Variants in ANGEL2 observed in about 807,000 individuals in gnomAD.
The protein encoded by ANGEL2 is RNA 2',3'-cyclic phosphatase ANGEL2.
A neutral mutation model predicts 66.0 loss-of-function variants in ANGEL2; 41 were observed. That is an observed-to-expected ratio of 0.62 (90% CI 0.48 to 0.81). The LOEUF (loss-of-function observed/expected upper bound fraction) is 0.81, where lower values mean the gene tolerates loss of function less well. Among genes scored for constraint, ANGEL2 ranks in the 30% least tolerant of loss-of-function variants. The pLI is 0.00. For synonymous variants in ANGEL2, 208 were observed against 226.5 expected, an observed-to-expected ratio of 0.92 and a Z score of 0.73; for missense variants, 561 against 641.6, an observed-to-expected ratio of 0.87 and a Z score of 1.36.
Position 213,000,861 on chromosome 1 carries a change from T to C in ANGEL2, c.1186A>G (p.Ile396Val), listed in dbSNP as rs2076158832. Residue 396 changes from isoleucine (I) to valine (V), a missense_variant, in exon 6 of 9, where the codon ATT (isoleucine) becomes GTT (valine). Transcript: ENST00000366962. ...GAGATACCTAGGTTTGGGGGCCAAA[T>C]TGGAATAGATAAAATTCTTTGTCCC... ...SRGQRILSIPIWPPNLGISQN... is the reference protein window; with the variant it reads ...SRGQRILSIPVWPPNLGISQN... 1.9e-6 allele frequency: 3 copies of C among 1,612,776 alleles called. No individual in the cohort carries two copies. The highest frequency in any genetic ancestry group is 1.7e-6 in the Non-Finnish European group (2 of 1,179,782).
intron 3 of ANGEL2, among the ~76,000 whole-genome samples, 195 bp downstream of exon 3, chr1:213,008,015 C>A (rs2076387663): frequency 6.6e-6 from 1 of 152,004 alleles, no homozygotes; most frequent in African/African-American, 2.4e-5. Flanking sequence ...AGGCATGAGC[C>A]ACCACGCCCG....
intron 8 of ANGEL2, among the ~76,000 whole-genome samples, chr1:212,996,171 G>A (rs528109962): frequency 2.5e-4 from 38 of 152,146 alleles, no homozygotes; most frequent in Admixed American, 1.0e-3. Context: ...GCCGGGCATG[G>A]TGGCGGGCGC....
intron 5 of ANGEL2, among the ~76,000 whole-genome samples, chr1:213,003,003 C>T (rs891389830): frequency 2.0e-5 from 3 of 152,038 alleles, no homozygotes; most frequent in Admixed American, 6.6e-5. Context: ...CCTACTGCAG[C>T]TTCTACATCA....
intron 5 of ANGEL2, among the ~76,000 whole-genome samples, chr1:213,004,742 C>G (rs2076271386): frequency 1.3e-5 from 2 of 151,780 alleles, no homozygotes; most frequent in South Asian, 4.2e-4. Context: ...GTGGCACACA[C>G]CTGTAACCCC....
Position 213,005,183 on chromosome 1 carries a change from T to C in ANGEL2, c.984A>G (p.Leu328=), listed in dbSNP as rs368001839. 6.2e-6 allele frequency: 10 copies of C among 1,614,252 alleles called. No homozygotes were observed. The highest frequency in any genetic ancestry group is 2.2e-5 in the East Asian group (1 of 44,884). Residue 328 remains leucine (L), a synonymous_variant, in exon 5 of 9, where the codon CTA becomes CTG. Coordinates refer to ENST00000366962, the MANE Select transcript of ANGEL2 (RefSeq NM_144567.5). ...GGGCAACACTGGAAATCTCTGCCAG[T>C]AGCATTGCCAATTGCGTCAGCTTAA... ...GDIKLTQLAM[L]LAEISSVAHQ...
At chr1:212,995,335 CTA>C (rs1287909639) in intron 8 of ANGEL2, 143 bp from the exon 9 acceptor site, 10 of 557,688 alleles carry the variant, frequency 1.8e-5, no homozygotes, top group Non-Finnish European at 2.7e-5. Context: ...TTTAGAATAT[CTA>C]AGCTTTATTG....
intron 7 of ANGEL2, among the ~76,000 whole-genome samples, chr1:212,998,759 C>T (rs2076096239): frequency 6.6e-6 from 1 of 152,008 alleles, no homozygotes; most frequent in South Asian, 2.1e-4. Flanking sequence ...ATCTCCTGAC[C>T]TCATGATCCG....
chr1:213,007,472 A>G (rs962018059), intron 3 of ANGEL2, among the ~76,000 whole-genome samples: 21 of 152,236 alleles, frequency 1.4e-4, no homozygotes, highest in African/African-American at 4.3e-4. Flanking sequence ...CTTACATGTC[A>G]GGATATTTTT....
At chr1:212,996,246 G>A (rs914495177) in intron 8 of ANGEL2, among the ~76,000 whole-genome samples, 5 of 152,176 alleles carry the variant, frequency 3.3e-5, no homozygotes, top group South Asian at 2.1e-4. Flanking sequence ...GGCGGAGCTT[G>A]CAGTGAGCTG....
intron 3 of ANGEL2, 53 bp from the exon 4 acceptor site, chr1:213,007,251 T>G: frequency 7.5e-7 from 1 of 1,329,158 alleles, no homozygotes; most frequent in Non-Finnish European, 1.0e-6. Context: ...ATCATGAATT[T>G]CCTGGTGCTT....
chr1:213,000,061 C>G (rs1406018621), intron 7 of ANGEL2, among the ~76,000 whole-genome samples: 1 of 152,182 alleles, frequency 6.6e-6, no homozygotes, highest in Non-Finnish European at 1.5e-5. Flanking sequence ...GCTTTATATG[C>G]TTTGTCTCAT....
At chr1:212,997,468 A>C (rs2076057548) in intron 7 of ANGEL2, 150 bp from the exon 8 acceptor site, 2 of 681,888 alleles carry the variant, frequency 2.9e-6, no homozygotes, top group Non-Finnish European at 4.8e-6. Context: ...ATTTAGTATT[A>C]ATTTACTTAT....
chr1:213,006,288 C>T (rs1342688085), intron 4 of ANGEL2, among the ~76,000 whole-genome samples: 1 of 151,938 alleles, frequency 6.6e-6, no homozygotes, highest in Non-Finnish European at 1.5e-5. Context: ...GGTGAAACCC[C>T]GTCTCTACTA....
Position 212,994,928 on chromosome 1 carries a change from C to A in ANGEL2, c.*113G>T, listed in dbSNP as rs778911813. ...GGAGTTTCAAAGCATCTAACATAAC[C>A]GCTTCAGAATCTCCACAGTGCAAAA... is the stretch of plus-strand genomic sequence containing the variant. On this transcript the variant is annotated 3_prime_UTR_variant, in exon 9 of 9. Coordinates refer to ENST00000366962, the MANE Select transcript of ANGEL2 (RefSeq NM_144567.5). 106 of 956,314 alleles carry A rather than the reference C, an allele frequency of 1.1e-4. No homozygotes were observed. The highest frequency in any genetic ancestry group is 1.4e-4 in the Non-Finnish European group (100 of 710,512). The allele number at this position is 956,314 out of a possible 1,614,324, so 59.2% of individuals were successfully genotyped here. A position where few individuals can be genotyped will look rare whatever the true frequency, so the allele number is the denominator to read the frequency against.
At chr1:213,009,876 C>T (rs148864275) in intron 2 of ANGEL2, among the ~76,000 whole-genome samples, 2,003 of 152,008 alleles carry the variant, frequency 0.013, 42 homozygotes, top group African/African-American at 0.046. Context: ...CATGGCGAAA[C>T]CCTGTCTCTA....
intron 7 of ANGEL2, among the ~76,000 whole-genome samples, chr1:212,998,014 T>C (rs2076072972): frequency 6.6e-6 from 1 of 152,196 alleles, no homozygotes; most frequent in African/African-American, 2.4e-5. Flanking sequence ...AAAGTGTTCA[T>C]ATGTCAGGAA....
chr1:213,011,612 C>G (rs1004375096), intron 2 of ANGEL2: 1 of 314,204 alleles, frequency 3.2e-6, no homozygotes, highest in African/African-American at 2.3e-5. Flanking sequence ...CATACAGTAT[C>G]TCATTTCATT....
chr1:213,003,818 G>A (rs1234198448), intron 5 of ANGEL2, among the ~76,000 whole-genome samples: 2 of 152,140 alleles, frequency 1.3e-5, no homozygotes, highest in Non-Finnish European at 2.9e-5. Flanking sequence ...CTTCAATTTT[G>A]TAAAATGCAG....
chr1:213,001,087 G>A (rs2076166498), intron 5 of ANGEL2, 175 bp from the exon 6 acceptor site: 2 of 585,792 alleles, frequency 3.4e-6, no homozygotes, highest in Non-Finnish European at 5.6e-6. Flanking sequence ...ATACAATTCA[G>A]AAAGCACTTA....
Sources: allele counts gnomAD v4.1 joint callset (sites outside exome capture counted in the v4.1 genomes callset), GRCh38; gene constraint gnomAD v4.1.1; transcripts MANE v1.5; gene names NCBI Gene and HGNC (gene_info 2026-07-23, HGNC 2026-07-21).